JARID2: variants seen among roughly 807,000 people sequenced by gnomAD.
The protein encoded by JARID2 is jumonji and AT-rich interaction domain containing 2.
Under a neutral mutation model 125.6 loss-of-function variants are expected in JARID2, and 21 were observed. The observed-to-expected ratio is 0.17, with a 90% CI of 0.12 to 0.24. The LOEUF is 0.24. Ranked by LOEUF, JARID2 falls within the 10% of genes least tolerant of loss-of-function variation. JARID2 has a pLI of 1.00. For synonymous variants in JARID2, 736 were observed against 661.6 expected, an observed-to-expected ratio of 1.11 and a Z score of -1.73; for missense variants, 1,303 against 1,639.6, an observed-to-expected ratio of 0.79 and a Z score of 3.55.
chr6:15,439,756 A>G (rs1767366312), intron 3 of JARID2, among the ~76,000 whole-genome samples: 1 of 149,374 alleles, frequency 6.7e-6, no homozygotes, highest in South Asian at 2.1e-4. Flanking sequence ...TTAAAATGCT[A>G]AAGAAGAGGG....
At chr6:15,261,457 A>C (rs559760596) in intron 1 of JARID2, among the ~76,000 whole-genome samples, 36 of 152,052 alleles carry the variant, frequency 2.4e-4, no homozygotes, top group Non-Finnish European at 1.5e-4. Context: ...GGCTGGGACT[A>C]CAGGCGTGCG....
At position 15,521,671 on chromosome 6, in the gene JARID2, C is replaced by T. The variant is rs971988712; in HGVS notation, c.*1420C>T. 2.0e-5 allele frequency: 3 copies of T among 152,168 alleles called. No individual in the cohort carries two copies. The highest frequency in any genetic ancestry group is 2.1e-4 in the South Asian group (1 of 4,830). The allele number at this position is 152,168 out of a possible 1,614,324, so 9.4% of individuals were successfully genotyped here. On this transcript the variant is annotated 3_prime_UTR_variant, in exon 18 of 18. Coordinates refer to ENST00000341776, the MANE Select transcript of JARID2 (RefSeq NM_004973.4). ...GTTTCATAATTGGATTCATCAATCC[C>T]GTAGCTACCCATATTGCACTGAGCT...
rs1267768080 is a variant in JARID2, at chr6:15,337,965, A to G, written c.46-36152A>G. 2.0e-5 allele frequency among the ~76,000 whole-genome samples: 3 copies of G among 152,190 alleles called. No individual in the cohort carries two copies. The East Asian group carries it at 5.8e-4, about 29-fold the overall frequency. On this transcript the variant is annotated intron_variant, in intron 1 of 17. Coordinates refer to ENST00000341776, the MANE Select transcript of JARID2 (RefSeq NM_004973.4). Reference sequence around the variant, plus strand: ...GCCAGGCAACAGGCACAATGTAAATAGGAAGGACCAAGTCCTGCCAACCAA... The same window carrying G: ...GCCAGGCAACAGGCACAATGTAAATGGGAAGGACCAAGTCCTGCCAACCAA...
chr6:15,341,842 T>A (rs1763080430), intron 1 of JARID2, among the ~76,000 whole-genome samples: 1 of 152,242 alleles, frequency 6.6e-6, no homozygotes, highest in African/African-American at 2.4e-5. Flanking sequence ...GGAGGGTGTG[T>A]GATACTGATC....
intron 2 of JARID2, among the ~76,000 whole-genome samples, chr6:15,386,614 G>T (rs552574792): frequency 3.3e-5 from 5 of 152,206 alleles, no homozygotes; most frequent in Middle Eastern, 3.2e-3. Flanking sequence ...GAGCCACTTC[G>T]CCTGGCCGGT....
chr6:15,407,493 C>T (rs763582700), intron 2 of JARID2, among the ~76,000 whole-genome samples: 2 of 152,168 alleles, frequency 1.3e-5, no homozygotes, highest in Non-Finnish European at 2.9e-5. Context: ...TTTGTTCATT[C>T]TTTCATGCAT....
At chr6:15,361,107 C>A (rs187980766) in intron 1 of JARID2, among the ~76,000 whole-genome samples, 90 of 152,278 alleles carry the variant, frequency 5.9e-4, no homozygotes, top group African/African-American at 2.0e-3. Context: ...GAGGTGACTC[C>A]ATTTACTGAG....
chr6:15,378,989 A>T (rs1225819238), intron 2 of JARID2, among the ~76,000 whole-genome samples: 1 of 152,162 alleles, frequency 6.6e-6, no homozygotes, highest in Non-Finnish European at 1.5e-5. Context: ...GCCTGGGAAC[A>T]GTGTGTGGAC....
At chr6:15,455,251 G>A (rs969276275) in intron 4 of JARID2, among the ~76,000 whole-genome samples, 8 of 151,040 alleles carry the variant, frequency 5.3e-5, no homozygotes, top group African/African-American at 1.7e-4. Flanking sequence ...TTGGTCTTGC[G>A]TGGCTTAAAA....
chr6:15,336,019 A>T (rs1375518856), intron 1 of JARID2, among the ~76,000 whole-genome samples: 1 of 152,118 alleles, frequency 6.6e-6, no homozygotes, highest in East Asian at 1.9e-4. Context: ...TGAGGATTGG[A>T]GGTTGCAGTG....
chr6:15,252,582 A>G (rs1326997561), intron 1 of JARID2, among the ~76,000 whole-genome samples: 1 of 152,174 alleles, frequency 6.6e-6, no homozygotes, highest in African/African-American at 2.4e-5. Context: ...GTAATTTTGC[A>G]CCTAATTCAT....
intron 3 of JARID2, among the ~76,000 whole-genome samples, chr6:15,419,006 G>C (rs1430999306): frequency 6.6e-6 from 1 of 152,038 alleles, no homozygotes; most frequent in Non-Finnish European, 1.5e-5. Context: ...TGCATGAATT[G>C]GGATTATTCA....
At chr6:15,480,836 A>G (rs1013705412) in intron 5 of JARID2, among the ~76,000 whole-genome samples, 7 of 152,220 alleles carry the variant, frequency 4.6e-5, no homozygotes, top group Non-Finnish European at 2.9e-5. Context: ...GAGTCTGTGC[A>G]TGGAGTGAGG....
intron 1 of JARID2, among the ~76,000 whole-genome samples, chr6:15,283,897 T>G (rs528044335): frequency 6.6e-6 from 1 of 150,666 alleles, no homozygotes; most frequent in African/African-American, 2.4e-5. Context: ...TTAGTAGAGA[T>G]GGGGTTTCAC....
chr6:15,434,026 G>C (rs1767094547), intron 3 of JARID2, among the ~76,000 whole-genome samples: 1 of 150,928 alleles, frequency 6.6e-6, no homozygotes, highest in African/African-American at 2.4e-5. Context: ...TACTTTCCCT[G>C]GTTTCACATG....
At chr6:15,403,516 C>T (rs1224992565) in intron 2 of JARID2, among the ~76,000 whole-genome samples, 4 of 152,212 alleles carry the variant, frequency 2.6e-5, no homozygotes, top group African/African-American at 7.2e-5. Context: ...TAGCTCAAGG[C>T]GTTTATTGCC....
At chr6:15,477,612 A>G (rs1004924438) in intron 5 of JARID2, among the ~76,000 whole-genome samples, 2 of 150,770 alleles carry the variant, frequency 1.3e-5, no homozygotes, top group African/African-American at 4.9e-5. Flanking sequence ...TGTTCCTTAG[A>G]GGCCGTTGGG....
At chr6:15,307,428 G>C (rs758716270) in intron 1 of JARID2, among the ~76,000 whole-genome samples, 2 of 152,038 alleles carry the variant, frequency 1.3e-5, no homozygotes, top group Non-Finnish European at 1.5e-5. Flanking sequence ...TTGCCATGTT[G>C]CCCAGGCTGG....
At chr6:15,372,740 C>A (rs1201916162) in intron 1 of JARID2, among the ~76,000 whole-genome samples, 1 of 151,138 alleles carries the variant, frequency 6.6e-6, no homozygotes, top group Non-Finnish European at 1.5e-5. Context: ...GACTGAGTCT[C>A]ACTCTGTCTC....
Sources: gnomAD v4.1 joint callset for allele counts (sites outside exome capture counted in the v4.1 genomes callset) on GRCh38, gnomAD v4.1.1 for gene constraint, MANE v1.5 for transcripts, NCBI Gene and HGNC (gene_info 2026-07-23, HGNC 2026-07-21) for gene names.